Variants in CTPS1 observed in about 807,000 individuals in gnomAD.
The protein encoded by CTPS1 is CTP synthetase 1.
A neutral mutation model predicts 80.5 loss-of-function variants in CTPS1; 25 were observed. That is an observed-to-expected ratio of 0.31 (90% CI 0.23 to 0.43). The LOEUF is 0.43. Among genes scored for constraint, CTPS1 ranks in the 20% least tolerant of loss-of-function variants. CTPS1 has a pLI of 1.00. For synonymous variants in CTPS1, 267 were observed against 252.5 expected, an observed-to-expected ratio of 1.06 and a Z score of -0.54; for missense variants, 442 against 725.7, an observed-to-expected ratio of 0.61 and a Z score of 4.49.
chr1:40,996,138 C>G, intron 8 of CTPS1, 70 bp downstream of exon 8: 5 of 1,551,374 alleles, frequency 3.2e-6, no homozygotes, highest in East Asian at 2.3e-5. Flanking sequence ...GAAGCCGACT[C>G]TAGCCCTAGC....
chr1:40,983,437 A>G lies in CTPS1; in HGVS notation c.147A>G (p.Thr49=). Residue 49 remains threonine (T), a synonymous_variant, in exon 2 of 19, where the codon ACA becomes ACG. Transcript: ENST00000650070. ...CCTACATTAACATTGATGCAGGAAC[A>G]TTCTCTCCTTATGAGCATGGTAAGC... ...IDPYINIDAG[T]FSPYEHGEVF... 1 of 1,613,358 alleles carries G rather than the reference A, an allele frequency of 6.2e-7. No homozygotes were observed.
At chr1:40,987,559 C>T (rs1558136225) in intron 4 of CTPS1, 87 bp downstream of exon 4, 3 of 930,008 alleles carry the variant, frequency 3.2e-6, no homozygotes, top group South Asian at 1.4e-5. Flanking sequence ...CCAGTGGAGC[C>T]CTTGGCCTTC....
chr1:40,999,248 C>T (rs1642838113), intron 9 of CTPS1, among the ~76,000 whole-genome samples: 1 of 152,110 alleles, frequency 6.6e-6, no homozygotes, highest in Admixed American at 6.5e-5. Context: ...CAGTTGGAAA[C>T]ACTGTGGATG....
At position 41,003,161 on chromosome 1, in the gene CTPS1, G is replaced by A. The variant is rs778320711; in HGVS notation, c.1237G>A (p.Val413Met). ...QLAVVEFSRN[V>M]LGWQDANSTE... ...GGCAGTGGTTGAATTCTCAAGAAAC[G>A]TGCTGGGATGGCAAGGTAAGCGTGC... Residue 413 changes from valine to methionine, a missense_variant, in exon 12 of 19, where the codon GTG (valine) becomes ATG (methionine). Transcript: ENST00000650070. 3.7e-6 allele frequency: 6 copies of A among 1,614,174 alleles called. No homozygotes were observed. The South Asian group carries it at 4.4e-5, about 12-fold the overall frequency.
intron 7 of CTPS1, among the ~76,000 whole-genome samples, chr1:40,993,355 CT>C (rs879502195): frequency 8.1e-5 from 12 of 147,944 alleles, no homozygotes; most frequent in Admixed American, 2.0e-4. Context: ...CTGGCCTTGC[CT>C]TTTTTTTTTA....
intron 4 of CTPS1, 71 bp from the exon 5 acceptor site, chr1:40,988,523 C>G: frequency 1.1e-6 from 1 of 944,244 alleles, no homozygotes; most frequent in Admixed American, 1.8e-5. Context: ...GAAGACAGAA[C>G]AGTTGTTAGA....
At chr1:40,987,549 C>A in intron 4 of CTPS1, 77 bp downstream of exon 4, 1 of 1,044,364 alleles carries the variant, frequency 9.6e-7, no homozygotes, top group Non-Finnish European at 1.5e-6. Flanking sequence ...AAGACAGTTC[C>A]CAGTGGAGCC....
At chr1:41,006,828 TAGAC>T (rs1433205184) in intron 13 of CTPS1, among the ~76,000 whole-genome samples, 3 of 152,236 alleles carry the variant, frequency 2.0e-5, no homozygotes, top group African/African-American at 4.8e-5. Context: ...TCACGGCACT[TAGAC>T]AGCATCACTG....
intron 1 of CTPS1, 154 bp downstream of exon 1, chr1:40,979,983 G>A (rs1021947549): frequency 1.8e-4 from 28 of 151,900 alleles, no homozygotes; most frequent in African/African-American, 6.5e-4. Context: ...CTGCCCAATG[G>A]GCTGTGTGCC....
chr1:40,980,944 A>T (rs1570933554), intron 1 of CTPS1: 1 of 152,458 alleles, frequency 6.6e-6, no homozygotes, highest in Non-Finnish European at 1.5e-5. Flanking sequence ...TCGTGCAGTC[A>T]GTCCTTCAAG....
chr1:40,998,916 C>A (rs1642830529), intron 9 of CTPS1, among the ~76,000 whole-genome samples: 1 of 152,182 alleles, frequency 6.6e-6, no homozygotes, highest in Admixed American at 6.5e-5. Flanking sequence ...CATTACACAG[C>A]CCTGACTTCT....
At chr1:40,997,193 TGCAGTCA>T in intron 8 of CTPS1, 194 bp from the exon 9 acceptor site, 1 of 556,412 alleles carries the variant, frequency 1.8e-6, no homozygotes. Flanking sequence ...AGTGCAGTGG[TGCAGTCA>T]GCTCACTGTA....
chr1:41,002,977 G>C (rs1642940751), intron 11 of CTPS1, 137 bp from the exon 12 acceptor site: 1 of 770,554 alleles, frequency 1.3e-6, no homozygotes, highest in Non-Finnish European at 2.2e-6. Context: ...GAGAGTACTT[G>C]TTCATAGCAG....
intron 2 of CTPS1, 110 bp downstream of exon 2, chr1:40,983,566 C>T: frequency 1.2e-6 from 1 of 822,526 alleles, no homozygotes; most frequent in South Asian, 1.9e-5. Flanking sequence ...CTAACAGGTC[C>T]CTTAATACAG....
chr1:40,981,846 G>C (rs1348641185), intron 1 of CTPS1: 1 of 402,274 alleles, frequency 2.5e-6, no homozygotes, highest in Non-Finnish European at 4.2e-6. Context: ...TCCCTGCCAA[G>C]TGTGTTCTTT....
chr1:40,993,564 T>C (rs1642670840), intron 7 of CTPS1, among the ~76,000 whole-genome samples: 1 of 152,120 alleles, frequency 6.6e-6, no homozygotes, highest in Non-Finnish European at 1.5e-5. Context: ...TCTTGAACTC[T>C]TTGGGCTCAG....
At chr1:40,998,396 TAA>T (rs56282224) in intron 9 of CTPS1, among the ~76,000 whole-genome samples, 7,448 of 64,490 alleles carry the variant, frequency 0.12, 333 homozygotes, top group East Asian at 0.25. Flanking sequence ...AGACTCTGTC[TAA>T]AAAAAAAAAA....
At chr1:41,001,425 C>T in intron 10 of CTPS1, 1 of 280,514 alleles carries the variant, frequency 3.6e-6, no homozygotes. Flanking sequence ...GTTGTTTTGG[C>T]AGCTGTTATT....
At chr1:40,990,623 T>TA (rs757660759) in intron 5 of CTPS1, among the ~76,000 whole-genome samples, 11,329 of 150,384 alleles carry the variant, frequency 0.075, 524 homozygotes, top group South Asian at 0.12. Context: ...TGTCTCGATT[T>TA]AAAAAAAAAG....
Sources: gnomAD v4.1 joint callset for allele counts (sites outside exome capture counted in the v4.1 genomes callset) on GRCh38, gnomAD v4.1.1 for gene constraint, MANE v1.5 for transcripts, NCBI Gene and HGNC (gene_info 2026-07-23, HGNC 2026-07-21) for gene names.